Variants in SPACA7 observed in about 807,000 individuals in gnomAD.
SPACA7 encodes the protein sperm acrosome-associated protein 7.
SPACA7 carries 19 observed loss-of-function variants against 26.3 expected under a neutral mutation model. That is an observed-to-expected ratio of 0.72 (90% CI 0.50 to 1.06). The LOEUF (loss-of-function observed/expected upper bound fraction) is 1.06. SPACA7 is among the 50% of genes least tolerant of loss of function. The pLI is 0.00. For missense variants in SPACA7, 211 were observed against 229.9 expected (o/e 0.92, Z 0.53); for synonymous variants, 84 against 84.5 (o/e 0.99, Z 0.04).
chr13:112,396,534 G>A (rs577533558), intron 2 of SPACA7, among the ~76,000 whole-genome samples: 1 of 152,244 alleles, frequency 6.6e-6, no homozygotes, highest in African/African-American at 2.4e-5. Flanking sequence ...GCCATCCTTG[G>A]CCCCCCAGTG....
chr13:112,432,664 T>C, intron 6 of SPACA7, 143 bp downstream of exon 6: 1 of 637,692 alleles, frequency 1.6e-6, no homozygotes, highest in Non-Finnish European at 2.8e-6. Flanking sequence ...CAGGAGCCCC[T>C]GTCCAACCGT....
At chr13:112,429,421 A>G (rs1260571732) in intron 5 of SPACA7, among the ~76,000 whole-genome samples, 1 of 151,666 alleles carries the variant, frequency 6.6e-6, no homozygotes, top group Admixed American at 6.6e-5. Context: ...TATTCCTAGT[A>G]ATATTATTTG....
At chr13:112,404,773 T>C (rs997969765) in intron 5 of SPACA7, among the ~76,000 whole-genome samples, 3 of 152,188 alleles carry the variant, frequency 2.0e-5, no homozygotes, top group African/African-American at 7.2e-5. Context: ...TCTTTTGGTC[T>C]ATGTGCCTAT....
chr13:112,399,303 CCCTGGTT>C, intron 4 of SPACA7, 130 bp downstream of exon 4: 1 of 681,552 alleles, frequency 1.5e-6, no homozygotes, highest in Non-Finnish European at 2.7e-6. Context: ...TGCCCACTTC[CCCTGGTT>C]GGGCAGATCT....
intron 5 of SPACA7, among the ~76,000 whole-genome samples, chr13:112,417,406 T>A (rs1369737619): frequency 6.6e-6 from 1 of 152,196 alleles, no homozygotes; most frequent in African/African-American, 2.4e-5. Flanking sequence ...TCCATTTAAG[T>A]TATATCAGTA....
At chr13:112,428,847 G>A (rs1189194759) in intron 5 of SPACA7, among the ~76,000 whole-genome samples, 1 of 152,126 alleles carries the variant, frequency 6.6e-6, no homozygotes, top group Non-Finnish European at 1.5e-5. Context: ...TTCTATAAAT[G>A]TCAATTAGAT....
At chr13:112,390,767 C>T (rs1884838014) in intron 1 of SPACA7, among the ~76,000 whole-genome samples, 1 of 152,202 alleles carries the variant, frequency 6.6e-6, no homozygotes, top group Admixed American at 6.5e-5. Flanking sequence ...GGGACGCCAG[C>T]CCCCGTGATT....
chr13:112,376,506 A>G (rs1304079168), intron 1 of SPACA7, 27 bp downstream of exon 1: 5 of 1,604,148 alleles, frequency 3.1e-6, no homozygotes, highest in Non-Finnish European at 2.6e-6. Context: ...ATGTCTCAGC[A>G]GAAAGAGAAC....
At chr13:112,396,058 G>A (rs34235617) in intron 2 of SPACA7, among the ~76,000 whole-genome samples, 43,456 of 131,454 alleles carry the variant, frequency 0.33, 10,431 homozygotes, top group South Asian at 0.49. Context: ...ACTGCTCTCC[G>A]AGCAGGAACG....
At chr13:112,392,990 G>A (rs748103669) in intron 1 of SPACA7, 31 bp from the exon 2 acceptor site, 2 of 1,591,456 alleles carry the variant, frequency 1.3e-6, no homozygotes, top group Non-Finnish European at 1.7e-6. Flanking sequence ...AATGAACATT[G>A]TTAAACTGTA....
At chr13:112,421,402 G>A (rs1488127822) in intron 5 of SPACA7, among the ~76,000 whole-genome samples, 1 of 152,044 alleles carries the variant, frequency 6.6e-6, no homozygotes, top group Non-Finnish European at 1.5e-5. Context: ...TATTTAAGGT[G>A]TGAATAACAA....
chr13:112,419,941 A>T (rs1392099954), intron 5 of SPACA7, among the ~76,000 whole-genome samples: 1 of 152,190 alleles, frequency 6.6e-6, no homozygotes, highest in African/African-American at 2.4e-5. Flanking sequence ...ACACTACGAA[A>T]GTCTCTGGCC....
At chr13:112,416,371 A>G (rs1386334628) in intron 5 of SPACA7, among the ~76,000 whole-genome samples, 1 of 151,880 alleles carries the variant, frequency 6.6e-6, no homozygotes, top group African/African-American at 2.4e-5. Flanking sequence ...ACTGCAACCT[A>G]TACCTCCTGG....
intron 6 of SPACA7, among the ~76,000 whole-genome samples, chr13:112,433,034 T>C (rs1179795877): frequency 6.6e-6 from 1 of 152,166 alleles, no homozygotes; most frequent in Non-Finnish European, 1.5e-5. Flanking sequence ...CTTCTGTCCC[T>C]GGCCCCAGGC....
At chr13:112,391,791 G>A (rs980090739) in intron 1 of SPACA7, among the ~76,000 whole-genome samples, 3 of 152,184 alleles carry the variant, frequency 2.0e-5, no homozygotes, top group South Asian at 2.1e-4. Context: ...GCACTTGCAC[G>A]ATGCAGCTGT....
intron 5 of SPACA7, among the ~76,000 whole-genome samples, chr13:112,416,697 T>C (rs1164594504): frequency 2.0e-5 from 3 of 152,172 alleles, no homozygotes; most frequent in African/African-American, 7.2e-5. Flanking sequence ...CCTTATCACC[T>C]CCCATAGTTT....
chr13:112,423,821 G>C (rs1325185403), intron 5 of SPACA7, among the ~76,000 whole-genome samples: 2 of 152,204 alleles, frequency 1.3e-5, no homozygotes, highest in Non-Finnish European at 2.9e-5. Flanking sequence ...AACAAGTTAA[G>C]ATTTCTAAAA....
At chr13:112,388,152 G>C (rs1289412956) in intron 1 of SPACA7, among the ~76,000 whole-genome samples, 1 of 152,164 alleles carries the variant, frequency 6.6e-6, no homozygotes, top group Non-Finnish European at 1.5e-5. Flanking sequence ...ATTAAGATGA[G>C]ATGGACAGAA....
chr13:112,388,930 G>A (rs993285701), intron 1 of SPACA7, among the ~76,000 whole-genome samples: 24 of 152,276 alleles, frequency 1.6e-4, no homozygotes, highest in African/African-American at 5.8e-4. Flanking sequence ...AAGATCAGAT[G>A]AGCCACTTTA....
Sources: allele counts gnomAD v4.1 joint callset (sites outside exome capture counted in the v4.1 genomes callset), GRCh38; gene constraint gnomAD v4.1.1; transcripts MANE v1.5; gene names NCBI Gene and HGNC (gene_info 2026-07-23, HGNC 2026-07-21).